MEIOB: variants seen among roughly 807,000 people sequenced by gnomAD.
The protein encoded by MEIOB is meiosis-specific with OB domain-containing protein.
Under a neutral mutation model 53.1 loss-of-function variants are expected in MEIOB, and 50 were observed. The observed-to-expected ratio is 0.94, with a 90% CI of 0.75 to 1.19. MEIOB has a LOEUF of 1.19. Ranked by LOEUF, MEIOB falls within the 50% of genes most tolerant of loss-of-function variation. The pLI is 0.00. For missense variants in MEIOB, 551 were observed against 550.8 expected (o/e 1.00, Z 0.00); for synonymous variants, 192 against 182.5 (o/e 1.05, Z -0.42).
At position 1,847,104 on chromosome 16, in the gene MEIOB, G is replaced by C. The variant is rs190190124; in HGVS notation, c.779-2141C>G. On this transcript the variant is annotated intron_variant, in intron 9 of 13. Transcript: ENST00000325962. ...CAGGAGGCAGAGACTGCAGTAAGCC[G>C]AGATCACGCCACTGCACTCCAGCCT... Among the ~76,000 whole-genome samples, 287 of 152,176 alleles carry C rather than the reference G, an allele frequency of 1.9e-3. 2 individuals are homozygous for C. Among genetic ancestry groups the C allele is most frequent in the Non-Finnish European group, 3.1e-3 (212 of 68,004 alleles).
chr16:1,864,482 C>G (rs1270159994), intron 3 of MEIOB, among the ~76,000 whole-genome samples: 1 of 35,418 alleles, frequency 2.8e-5, no homozygotes, highest in Non-Finnish European at 6.2e-5. Context: ...ATTTCTTTTT[C>G]TTTTCTTTTT....
At chr16:1,848,325 A>C (rs1899073322) in intron 9 of MEIOB, among the ~76,000 whole-genome samples, 1 of 152,128 alleles carries the variant, frequency 6.6e-6, no homozygotes, top group Non-Finnish European at 1.5e-5. Flanking sequence ...TTTCATGCTA[A>C]ATTCCATTGT....
In MEIOB at chr16:1,834,252, C is replaced by T. The variant is rs369643336; in HGVS notation, c.*4G>A. On this transcript the variant is annotated 3_prime_UTR_variant, in exon 14 of 14. Transcript: ENST00000325962. ...TTTTCCAGAGTTCAAAATGATAGAC[C>T]GTTTTAAACATGTTTTTGTCCAGAC... 62 of 1,530,964 alleles carry T rather than the reference C, an allele frequency of 4.0e-5. No individual in the cohort carries two copies. The African/African-American group carries it at 5.6e-4, about 14-fold the overall frequency. 94.8% of individuals were successfully genotyped at this position (1,530,964 alleles called of 1,614,324 possible). A position where few individuals can be genotyped will look rare whatever the true frequency, so the allele number is the denominator to read the frequency against.
At chr16:1,838,317 A>G (rs1361831639) in intron 12 of MEIOB, among the ~76,000 whole-genome samples, 1 of 152,184 alleles carries the variant, frequency 6.6e-6, no homozygotes, top group Non-Finnish European at 1.5e-5. Context: ...CTGTTTTGAT[A>G]GAGAAGATAA....
At chr16:1,851,433 C>T (rs544998501) in intron 9 of MEIOB, among the ~76,000 whole-genome samples, 4 of 152,282 alleles carry the variant, frequency 2.6e-5, no homozygotes, top group South Asian at 4.1e-4. Flanking sequence ...TCATAATTCA[C>T]GGACATATTA....
At chr16:1,838,104 C>T in intron 12 of MEIOB, 1 of 660,118 alleles carries the variant, frequency 1.5e-6, no homozygotes. Context: ...TCAAGCAATC[C>T]TCCCTCAGCT....
chr16:1,850,975 C>A (rs1899156328), intron 9 of MEIOB, among the ~76,000 whole-genome samples: 1 of 152,024 alleles, frequency 6.6e-6, no homozygotes, highest in South Asian at 2.1e-4. Flanking sequence ...CATAGTACCT[C>A]CCTCCAGGAA....
At chr16:1,839,556 G>A in intron 11 of MEIOB, 118 bp from the exon 12 acceptor site, 1 of 884,400 alleles carries the variant, frequency 1.1e-6, no homozygotes, top group Non-Finnish European at 1.7e-6. Flanking sequence ...CTTACTGAGT[G>A]TTCAGTGCTA....
chr16:1,859,416 C>T (rs1261629883), intron 5 of MEIOB, among the ~76,000 whole-genome samples: 7 of 152,100 alleles, frequency 4.6e-5, no homozygotes, highest in Non-Finnish European at 1.0e-4. Context: ...GGGCGTGTGC[C>T]TGTAATCACA....
intron 4 of MEIOB, among the ~76,000 whole-genome samples, chr16:1,861,333 C>G (rs1317325502): frequency 6.6e-6 from 1 of 152,082 alleles, no homozygotes; most frequent in African/African-American, 2.4e-5. Flanking sequence ...AAAATCTATT[C>G]AGTGGTCAAA....
intron 3 of MEIOB, among the ~76,000 whole-genome samples, chr16:1,863,479 T>C (rs392874): frequency 0.82 from 124,997 of 151,658 alleles, 51,635 homozygotes; most frequent in Middle Eastern, 0.89. Context: ...CTCTGCCTCC[T>C]GGGTTCAAGC....
chr16:1,837,692 T>C (rs1306833461), intron 13 of MEIOB, 92 bp downstream of exon 13: 12 of 669,356 alleles, frequency 1.8e-5, no homozygotes, highest in Non-Finnish European at 2.4e-5. Context: ...TTAGAAATAA[T>C]AAATTCTCGA....
At position 1,843,271 on chromosome 16, in the gene MEIOB, C is replaced by A. The variant is rs1171853004; in HGVS notation, c.881-1298G>T. Among the ~76,000 whole-genome samples, 4 of 150,334 alleles carry A rather than the reference C, an allele frequency of 2.7e-5. No homozygotes were observed. In the Middle Eastern group the frequency reaches 0.01, roughly 394 times the overall value. Reference sequence around the variant, plus strand: ...TCGCGCCACTGCACTCCAACCCGGGCGACAGAGCGAGACTCCATCTCAAAA... The same window carrying A: ...TCGCGCCACTGCACTCCAACCCGGGAGACAGAGCGAGACTCCATCTCAAAA... On this transcript the variant is annotated intron_variant, in intron 10 of 13. Transcript: ENST00000325962.
At chr16:1,834,453 G>C in intron 13 of MEIOB, 87 bp from the exon 14 acceptor site, 1 of 701,344 alleles carries the variant, frequency 1.4e-6, no homozygotes, top group East Asian at 2.7e-5. Context: ...ATCACGAATA[G>C]AGAACTGCAA....
At chr16:1,871,100 G>T (rs1380889364) in intron 1 of MEIOB, among the ~76,000 whole-genome samples, 1 of 151,970 alleles carries the variant, frequency 6.6e-6, no homozygotes, top group East Asian at 1.9e-4. Context: ...CAAAAAATAT[G>T]ACTTGCTTCT....
chr16:1,857,713 CTT>C lies in MEIOB; in HGVS notation c.528+20_528+21del. 1 of 1,547,498 alleles carries C rather than the reference CTT, an allele frequency of 6.5e-7. No individual in the cohort carries two copies. The highest frequency in any genetic ancestry group is 1.2e-5 in the South Asian group (1 of 83,240). The stretch of plus-strand genomic sequence containing the variant: ...ACCTCCCCTGCCAGATTGCACTTGG[CTT>C]TGTCGGGGTTTTAACTTACCGATTT... On this transcript the variant is annotated intron_variant, in intron 6 of 13. Coordinates refer to ENST00000325962, the MANE Select transcript of MEIOB (RefSeq NM_001163560.3).
chr16:1,851,092 G>A (rs962412554), intron 9 of MEIOB, among the ~76,000 whole-genome samples: 14 of 152,042 alleles, frequency 9.2e-5, no homozygotes, highest in African/African-American at 2.7e-4. Context: ...TCTCAGAGCC[G>A]AGTCAGATGC....
At chr16:1,863,070 A>G (rs1899487457) in intron 3 of MEIOB, among the ~76,000 whole-genome samples, 1 of 151,812 alleles carries the variant, frequency 6.6e-6, no homozygotes, top group African/African-American at 2.4e-5. Context: ...CTCTACAGAA[A>G]ATTTTAAAAT....
chr16:1,867,504 TTG>T (rs1899625171), intron 2 of MEIOB, among the ~76,000 whole-genome samples: 3 of 143,620 alleles, frequency 2.1e-5, no homozygotes, highest in Admixed American at 1.4e-4. Context: ...CAGAAGAGTT[TTG>T]CTCTTGTTGC....
Sources: allele counts gnomAD v4.1 joint callset (sites outside exome capture counted in the v4.1 genomes callset), GRCh38; gene constraint gnomAD v4.1.1; transcripts MANE v1.5; gene names NCBI Gene and HGNC (gene_info 2026-07-23, HGNC 2026-07-21).